MTHFSD: variants seen among roughly 807,000 people sequenced by gnomAD.
MTHFSD encodes methenyltetrahydrofolate synthase domain-containing protein.
In MTHFSD, 37 loss-of-function variants were observed where a neutral mutation model predicts 31.1. The observed-to-expected ratio is 1.19, with a 90% CI of 0.91 to 1.56. The LOEUF (loss-of-function observed/expected upper bound fraction) is 1.56, where lower values mean the gene tolerates loss of function less well. Among genes scored for constraint, MTHFSD ranks in the 40% most tolerant of loss-of-function variants. MTHFSD has a pLI of 0.00. For synonymous variants in MTHFSD, 221 were observed against 206.9 expected (o/e 1.07, Z -0.59); for missense variants, 664 against 510.1 (o/e 1.30, Z -2.91).
chr16:86,532,609 C>A, intron 7 of MTHFSD, 128 bp from the exon 8 acceptor site: 2 of 664,088 alleles, frequency 3.0e-6, no homozygotes, highest in Non-Finnish European at 4.6e-6. Flanking sequence ...GTCTGAGCCC[C>A]AGGGACATGG....
chr16:86,551,798 C>G (rs1973185435), intron 3 of MTHFSD, among the ~76,000 whole-genome samples: 1 of 152,188 alleles, frequency 6.6e-6, no homozygotes. Context: ...TTTGAACATC[C>G]TTTATCTCTG....
At chr16:86,552,210 G>A (rs1451999517) in intron 2 of MTHFSD, 64 bp from the exon 3 acceptor site, 1 of 1,613,742 alleles carries the variant, frequency 6.2e-7, no homozygotes, top group Non-Finnish European at 8.5e-7. Flanking sequence ...ACTTTTCTGG[G>A]GGGCATCAGG....
At chr16:86,541,866 C>G in intron 6 of MTHFSD, 44 bp from the exon 7 acceptor site, 10 of 1,610,562 alleles carry the variant, frequency 6.2e-6, no homozygotes, top group Non-Finnish European at 8.5e-6. Flanking sequence ...GGGAATGCCA[C>G]TGCAGTCGTG....
intron 2 of MTHFSD, chr16:86,553,645 G>A (rs112047523): frequency 0.023 from 3,527 of 156,438 alleles, 137 homozygotes; most frequent in African/African-American, 0.079. Flanking sequence ...CACCCCCACC[G>A]GCGGGCTCCT....
At chr16:86,555,075 C>T (rs956230224) in intron 1 of MTHFSD, 94 bp downstream of exon 1, 6 of 1,504,560 alleles carry the variant, frequency 4.0e-6, no homozygotes, top group Middle Eastern at 1.7e-4. Flanking sequence ...CTGCCCCATC[C>T]TCTGCCAGCC....
intron 7 of MTHFSD, among the ~76,000 whole-genome samples, chr16:86,534,691 G>A (rs952644224): frequency 1.3e-5 from 2 of 152,208 alleles, no homozygotes; most frequent in African/African-American, 2.4e-5. Flanking sequence ...ATTTAAAAAT[G>A]CAATTGCAAT....
Position 86,542,630 on chromosome 16 carries a change from C to A in MTHFSD, c.443-417G>T. 1 of 182,124 alleles carries A rather than the reference C, an allele frequency of 5.5e-6. No homozygotes were observed. The highest frequency in any genetic ancestry group is 1.7e-4 in the East Asian group (1 of 5,778). 11.3% of individuals were successfully genotyped at this position (182,124 alleles called of 1,614,324 possible). On this transcript the variant is annotated intron_variant, in intron 5 of 7. Transcript: ENST00000360900. This position sits in a 1 kb window ranked among gnomAD's most constrained non-coding sequence, Gnocchi z 4.6. Reference sequence around the variant, plus strand: ...ACTTACCTCGGAGGGAAAATCGCTGCTCTGAAGTCAGGAGTGTGTGAGGGC... The same window carrying A: ...ACTTACCTCGGAGGGAAAATCGCTGATCTGAAGTCAGGAGTGTGTGAGGGC...
chr16:86,542,218 G>C lies in MTHFSD; in HGVS notation c.443-5C>G. 1 of 1,610,826 alleles carries C rather than the reference G, an allele frequency of 6.2e-7. No individual in the cohort carries two copies. The highest frequency in any genetic ancestry group is 8.5e-7 in the Non-Finnish European group (1 of 1,178,050). ...CTCCCTTCCCGATTCTCCAGCCTAAGAGACAACCGAGAATCAGTATCGCTG... is the reference window on the plus strand; with the variant it reads ...CTCCCTTCCCGATTCTCCAGCCTAACAGACAACCGAGAATCAGTATCGCTG... On this transcript the variant is annotated splice_region_variant and splice_polypyrimidine_tract_variant and intron_variant, in intron 5 of 7. Transcript: ENST00000360900. This position sits in a 1 kb window ranked among gnomAD's most constrained non-coding sequence, Gnocchi z 4.6.
chr16:86,539,259 G>A (rs879474448), intron 7 of MTHFSD, among the ~76,000 whole-genome samples: 2 of 152,196 alleles, frequency 1.3e-5, no homozygotes, highest in Non-Finnish European at 2.9e-5. Flanking sequence ...TCCACTGAGA[G>A]GTACAACCCG....
intron 6 of MTHFSD, 133 bp downstream of exon 6, chr16:86,541,968 C>G: frequency 2.2e-6 from 3 of 1,351,796 alleles, no homozygotes; most frequent in Non-Finnish European, 3.1e-6. Flanking sequence ...GTACCACTAG[C>G]AAGTCCAGCC....
Position 86,541,560 on chromosome 16 carries a change from T to C in MTHFSD, c.681+137A>G, listed in dbSNP as rs1164673830. ...TGGACATGGTCATTCAGGAGCCAAA[T>C]TGCTCAAAAGCTCCTTGGGTGATTC... On this transcript the variant is annotated intron_variant, in intron 7 of 7. Transcript: ENST00000360900. 63 of 1,233,702 alleles carry C rather than the reference T, an allele frequency of 5.1e-5. 3 individuals are homozygous for C. The South Asian group carries it at 6.0e-4, about 12-fold the overall frequency. 76.4% of individuals were successfully genotyped at this position (1,233,702 alleles called of 1,614,324 possible).
intron 7 of MTHFSD, chr16:86,541,003 G>C: frequency 4.3e-6 from 5 of 1,176,072 alleles, no homozygotes; most frequent in Non-Finnish European, 5.4e-6. Context: ...TTCAAACGGT[G>C]AATGATTTGG....
At chr16:86,536,919 G>A (rs1039770376) in intron 7 of MTHFSD, among the ~76,000 whole-genome samples, 2 of 152,190 alleles carry the variant, frequency 1.3e-5, no homozygotes, top group African/African-American at 2.4e-5. Flanking sequence ...TGAGCTTTCC[G>A]TGTTGGCTGT....
At chr16:86,538,427 A>C (rs1208512908) in intron 7 of MTHFSD, among the ~76,000 whole-genome samples, 3 of 152,110 alleles carry the variant, frequency 2.0e-5, no homozygotes, top group Non-Finnish European at 4.4e-5. Context: ...TCTCAACAGG[A>C]AGTTCCGTTC....
At chr16:86,550,652 C>T (rs889215908) in intron 3 of MTHFSD, among the ~76,000 whole-genome samples, 8 of 152,230 alleles carry the variant, frequency 5.3e-5, no homozygotes, top group Non-Finnish European at 7.3e-5. Context: ...ACAGGGAAAA[C>T]ATTTAGACAG....
chr16:86,555,111 C>G, intron 1 of MTHFSD, 58 bp downstream of exon 1: 8 of 1,526,606 alleles, frequency 5.2e-6, no homozygotes, highest in East Asian at 2.5e-5. Context: ...CGACCCTCAC[C>G]GGTCCCGGCT....
At chr16:86,554,790 A>G (rs371107092) in intron 1 of MTHFSD, 39 bp from the exon 2 acceptor site, 53 of 1,550,230 alleles carry the variant, frequency 3.4e-5, no homozygotes, top group Non-Finnish European at 4.5e-5. Flanking sequence ...ATACAAAGGA[A>G]TTCCAGAGCC....
chr16:86,555,094 C>G, intron 1 of MTHFSD, 75 bp downstream of exon 1: 1 of 1,516,782 alleles, frequency 6.6e-7, no homozygotes, highest in Non-Finnish European at 8.8e-7. Flanking sequence ...CCCCGGTGGC[C>G]CCGCCTCGAC....
At position 86,531,966 on chromosome 16, in the gene MTHFSD, A is replaced by G; in HGVS notation, c.*45T>C. 2 of 1,302,736 alleles carry G rather than the reference A, an allele frequency of 1.5e-6. No homozygotes were observed. The highest frequency in any genetic ancestry group is 3.4e-5 in the Admixed American group (1 of 29,752). 80.7% of individuals were successfully genotyped at this position (1,302,736 alleles called of 1,614,324 possible). ...GCCATCGGAACCGGAGCGGCAGGGG[A>G]CGGGGATGGCGAGTCTGCAGTGAGC... On this transcript the variant is annotated 3_prime_UTR_variant, in exon 8 of 8. Transcript: ENST00000360900. This position sits in a 1 kb window ranked among gnomAD's most constrained non-coding sequence, Gnocchi z 5.5.
Sources: gnomAD v4.1 joint callset for allele counts (sites outside exome capture counted in the v4.1 genomes callset) on GRCh38, gnomAD v4.1.1 for gene constraint, Gnocchi (gnomAD v3.1) non-coding constraint, MANE v1.5 for transcripts, NCBI Gene and HGNC (gene_info 2026-07-23, HGNC 2026-07-21) for gene names.